Variants in NEGR1 observed in about 807,000 individuals in gnomAD.
NEGR1 encodes IgLON family member 4.
In NEGR1, 10 loss-of-function variants were observed where a neutral mutation model predicts 40.9. The observed-to-expected ratio is 0.24, with a 90% CI of 0.15 to 0.42. NEGR1 has a LOEUF of 0.42. Ranked by LOEUF, NEGR1 falls within the 10% of genes least tolerant of loss-of-function variation. The probability of loss-of-function intolerance (pLI) is 1.00; values close to 1 mark genes in which losing one functional copy is unlikely to be tolerated. For missense variants in NEGR1, 352 were observed against 438.9 expected, an observed-to-expected ratio of 0.80 and a Z score of 1.77; for synonymous variants, 185 against 166.8, an observed-to-expected ratio of 1.11 and a Z score of -0.84.
chr1:71,990,123 CT>C (rs1391092834), intron 1 of NEGR1, among the ~76,000 whole-genome samples: 1 of 152,104 alleles, frequency 6.6e-6, no homozygotes, highest in Admixed American at 6.5e-5. Context: ...TTTGTCTTCT[CT>C]GTGTATCATA....
intron 1 of NEGR1, among the ~76,000 whole-genome samples, chr1:72,216,400 T>TATATATATATATAC (rs1491047650): frequency 8.2e-6 from 1 of 121,948 alleles, no homozygotes; most frequent in African/African-American, 3.5e-5. Flanking sequence ...TATATATATA[T>TATATATATATATAC]ACATATATAT....
At chr1:71,939,031 C>T (rs752564869) in intron 1 of NEGR1, among the ~76,000 whole-genome samples, 1 of 151,934 alleles carries the variant, frequency 6.6e-6, no homozygotes, top group African/African-American at 2.4e-5. Flanking sequence ...GAGTCTGGTC[C>T]CCTGATGCTT....
At chr1:71,540,169 A>G (rs567700830) in intron 6 of NEGR1, among the ~76,000 whole-genome samples, 1 of 151,908 alleles carries the variant, frequency 6.6e-6, no homozygotes, top group Non-Finnish European at 1.5e-5. Flanking sequence ...ATCTGATGAG[A>G]GTGTGGTATT....
intron 2 of NEGR1, among the ~76,000 whole-genome samples, chr1:71,873,118 C>CA (rs34592789): frequency 0.48 from 38,882 of 81,776 alleles, 8,467 homozygotes; most frequent in African/African-American, 0.56. Flanking sequence ...AAAGATGTAG[C>CA]AAAAAAAAAA....
chr1:71,741,081 G>C (rs1282998311), intron 3 of NEGR1, among the ~76,000 whole-genome samples: 1 of 152,190 alleles, frequency 6.6e-6, no homozygotes, highest in Non-Finnish European at 1.5e-5. Flanking sequence ...TGGCGTCTTA[G>C]GCATTCAATC....
chr1:72,140,759 G>A (rs979393590), intron 1 of NEGR1, among the ~76,000 whole-genome samples: 19 of 151,626 alleles, frequency 1.3e-4, no homozygotes, highest in African/African-American at 3.4e-4. Context: ...AAAATTATAC[G>A]TATGTAATTT....
chr1:71,576,997 G>C (rs1648985535), intron 6 of NEGR1, among the ~76,000 whole-genome samples: 1 of 152,170 alleles, frequency 6.6e-6, no homozygotes, highest in African/African-American at 2.4e-5. Context: ...CCATATGAGA[G>C]AAAAATAAAG....
intron 1 of NEGR1, among the ~76,000 whole-genome samples, chr1:72,111,877 T>C (rs1649384391): frequency 6.6e-6 from 1 of 151,844 alleles, no homozygotes; most frequent in African/African-American, 2.4e-5. Context: ...TGCATGTACA[T>C]ACATCCTTGT....
chr1:71,813,467 A>G (rs1327302866), intron 2 of NEGR1, among the ~76,000 whole-genome samples: 1 of 152,112 alleles, frequency 6.6e-6, no homozygotes, highest in African/African-American at 2.4e-5. Context: ...TAATTCTGTG[A>G]AGAATGTCAA....
intron 6 of NEGR1, among the ~76,000 whole-genome samples, chr1:71,531,585 A>G (rs1428848841): frequency 6.6e-6 from 1 of 151,362 alleles, no homozygotes; most frequent in East Asian, 1.9e-4. Flanking sequence ...GAAAAATTAG[A>G]TTCCCATGAT....
At chr1:71,903,916 T>A (rs1411186412) in intron 2 of NEGR1, among the ~76,000 whole-genome samples, 1 of 151,956 alleles carries the variant, frequency 6.6e-6, no homozygotes. Flanking sequence ...AACGTTAGTG[T>A]GCATAAACAG....
At chr1:71,726,740 T>C (rs1040864508) in intron 3 of NEGR1, among the ~76,000 whole-genome samples, 2 of 152,062 alleles carry the variant, frequency 1.3e-5, no homozygotes. Flanking sequence ...GGGCAATCAG[T>C]GTAGCCAAAG....
At position 71,589,175 on chromosome 1, in the gene NEGR1, G is replaced by A. The variant is rs7532834; in HGVS notation, c.940+3642C>T. Among the ~76,000 whole-genome samples, 697 of 152,218 alleles carry A rather than the reference G, an allele frequency of 4.6e-3. 3 individuals carry two copies. The highest frequency in any genetic ancestry group is 0.015 in the African/African-American group (632 of 41,536). On this transcript the variant is annotated intron_variant, in intron 6 of 6. Transcript: ENST00000357731. ...ATTTTCAGATGTTCCCTGAGTAGAC[G>A]TAGCACAGGACAGTGCTGACTCTTC...
intron 1 of NEGR1, among the ~76,000 whole-genome samples, chr1:72,141,795 C>A (rs1650687893): frequency 6.6e-6 from 1 of 151,934 alleles, no homozygotes; most frequent in South Asian, 2.1e-4. Flanking sequence ...AGCAGAAAGT[C>A]TTTTCTCTAA....
At chr1:71,849,851 G>A (rs927942318) in intron 2 of NEGR1, among the ~76,000 whole-genome samples, 2 of 152,128 alleles carry the variant, frequency 1.3e-5, no homozygotes, top group African/African-American at 4.8e-5. Context: ...ATTAAGGTGT[G>A]TACATTTTTT....
At chr1:71,487,234 A>G (rs891561093) in intron 6 of NEGR1, among the ~76,000 whole-genome samples, 1 of 151,668 alleles carries the variant, frequency 6.6e-6, no homozygotes, top group Non-Finnish European at 1.5e-5. Context: ...AATCCTACAC[A>G]CTAACACTTT....
chr1:71,561,020 G>A (rs2101480513), intron 6 of NEGR1, among the ~76,000 whole-genome samples: 1 of 151,602 alleles, frequency 6.6e-6, no homozygotes, highest in South Asian at 2.1e-4. Context: ...CTGAAAAATT[G>A]GGAAAAGATT....
chr1:71,688,348 A>ATAGATAGAT (rs1653118677), intron 4 of NEGR1, among the ~76,000 whole-genome samples: 2 of 128,242 alleles, frequency 1.6e-5, no homozygotes, highest in Middle Eastern at 3.5e-3. Context: ...ATAGATAGAT[A>ATAGATAGAT]GATAGATTAT....
At chr1:71,673,443 A>ACGTGT (rs55798905) in intron 4 of NEGR1, among the ~76,000 whole-genome samples, 1 of 152,018 alleles carries the variant, frequency 6.6e-6, no homozygotes, top group Non-Finnish European at 1.5e-5. Context: ...AGTAAATTTT[A>ACGTGT]ATACAACTTG....
Sources: allele counts gnomAD v4.1 joint callset (sites outside exome capture counted in the v4.1 genomes callset), GRCh38; gene constraint gnomAD v4.1.1; transcripts MANE v1.5; gene names NCBI Gene and HGNC (gene_info 2026-07-23, HGNC 2026-07-21).